EPHA6: variants seen among roughly 807,000 people sequenced by gnomAD.
EPHA6 encodes EPH receptor A6.
Under a neutral mutation model 112.0 loss-of-function variants are expected in EPHA6, and 50 were observed. The observed-to-expected ratio is 0.45, with a 90% CI of 0.36 to 0.56. The LOEUF is 0.56. Ranked by LOEUF, EPHA6 falls within the 20% of genes least tolerant of loss-of-function variation. EPHA6 has a pLI of 0.00. For synonymous variants in EPHA6, 529 were observed against 490.7 expected (o/e 1.08, Z -1.03); for missense variants, 1,280 against 1,417.4 (o/e 0.90, Z 1.56).
At position 96,968,388 on chromosome 3, in the gene EPHA6, GCACACACA is replaced by G. The variant is rs148279577; in HGVS notation, c.451-18921_451-18914del. Among the ~76,000 whole-genome samples the G allele has an allele frequency of 5.9e-3, 843 of 143,602 alleles. 11 individuals carry two copies. The highest frequency in any genetic ancestry group is 0.019 in the African/African-American group (771 of 40,324). The allele number at this position is 143,602 out of a possible 152,430, so 94.2% of individuals were successfully genotyped here. On this transcript the variant is annotated intron_variant, in intron 2 of 17. Coordinates refer to ENST00000389672, the MANE Select transcript of EPHA6 (RefSeq NM_001080448.3). ...AACTACCATAGAGAAAATGGTAAAA[GCACACACA>G]CACACACACACACACACACATTCTA...
intron 10 of EPHA6, among the ~76,000 whole-genome samples, chr3:97,484,372 A>G (rs988482559): frequency 6.6e-6 from 1 of 152,200 alleles, no homozygotes; most frequent in African/African-American, 2.4e-5. Context: ...GCCAACATGT[A>G]TAGACATACA....
chr3:97,121,206 A>T (rs758870094), intron 3 of EPHA6, among the ~76,000 whole-genome samples: 6 of 152,076 alleles, frequency 3.9e-5, no homozygotes, highest in Non-Finnish European at 8.8e-5. Flanking sequence ...AATCCTTTAG[A>T]GAATCTGGTT....
At chr3:97,296,495 C>A (rs1188580198) in intron 5 of EPHA6, among the ~76,000 whole-genome samples, 5 of 152,084 alleles carry the variant, frequency 3.3e-5, no homozygotes, top group Non-Finnish European at 7.4e-5. Flanking sequence ...GTGGAGAAAG[C>A]CAGTTTATAG....
chr3:97,577,480 TC>T (rs1425725036), intron 11 of EPHA6, among the ~76,000 whole-genome samples: 2 of 152,082 alleles, frequency 1.3e-5, no homozygotes, highest in Non-Finnish European at 2.9e-5. Context: ...CATCTAAGCA[TC>T]AGGCATTGAG....
chr3:97,634,252 A>G (rs962931769), intron 13 of EPHA6, among the ~76,000 whole-genome samples: 2 of 152,102 alleles, frequency 1.3e-5, no homozygotes, highest in Non-Finnish European at 2.9e-5. Flanking sequence ...TAAGACCTGT[A>G]AAAACCTTAG....
intron 13 of EPHA6, among the ~76,000 whole-genome samples, chr3:97,613,564 T>C (rs2093737985): frequency 6.6e-6 from 1 of 152,146 alleles, no homozygotes; most frequent in Admixed American, 6.6e-5. Flanking sequence ...ATCAATCTCA[T>C]ACCATTTGGG....
intron 7 of EPHA6, among the ~76,000 whole-genome samples, chr3:97,451,993 T>C (rs762964119): frequency 1.3e-5 from 2 of 151,922 alleles, no homozygotes; most frequent in Non-Finnish European, 2.9e-5. Context: ...TATAATTCAG[T>C]TCTTTTTAGC....
intron 2 of EPHA6, among the ~76,000 whole-genome samples, chr3:96,980,013 C>T (rs1175736405): frequency 1.3e-5 from 2 of 152,144 alleles, no homozygotes; most frequent in Non-Finnish European, 2.9e-5. Flanking sequence ...CCTGTTCACT[C>T]TGATGGTGGT....
At position 96,814,806 on chromosome 3, in the gene EPHA6, G is replaced by T; in HGVS notation, c.183G>T (p.Glu61Asp). ...GGGTGGAGGAGGAAGAGGAGGAGGA[G>T]GAAGAAGACGTGGACAAGGACCCCC... ...AGRVEEEEEE[E>D]EEDVDKDPHP... The change falls in exon 1 of 18, where the codon GAG becomes GAT. Residue 61 changes from glutamate (E) to aspartate (D), a missense_variant. Around this residue, in one of 4 missense-constraint regions of EPHA6, gnomAD observed 220 missense variants for 171.5 expected, o/e 1.28. Transcript: ENST00000389672. The T allele has an allele frequency of 6.3e-7, 1 of 1,599,942 alleles. No homozygotes were observed. The highest frequency in any genetic ancestry group is 1.1e-5 in the South Asian group (1 of 89,700).
intron 1 of EPHA6, among the ~76,000 whole-genome samples, chr3:96,852,834 T>G (rs1169376922): frequency 6.6e-6 from 1 of 152,116 alleles, no homozygotes; most frequent in Non-Finnish European, 1.5e-5. Flanking sequence ...GACAGAAGTA[T>G]TCAGCTAATA....
At chr3:97,010,138 G>A in intron 3 of EPHA6, 2 of 1,224,418 alleles carry the variant, frequency 1.6e-6, no homozygotes, top group Non-Finnish European at 2.1e-6. Context: ...GCCAAAATTT[G>A]TTTTGTTTTT....
intron 11 of EPHA6, among the ~76,000 whole-genome samples, chr3:97,546,658 G>T (rs1046555790): frequency 6.6e-6 from 1 of 152,170 alleles, no homozygotes; most frequent in South Asian, 2.1e-4. Flanking sequence ...CCTGCAGAGT[G>T]TTTTCCAACT....
At chr3:96,957,250 G>A (rs1001481481) in intron 2 of EPHA6, among the ~76,000 whole-genome samples, 2 of 152,126 alleles carry the variant, frequency 1.3e-5, no homozygotes, top group African/African-American at 4.8e-5. Context: ...AAAGAAGAGG[G>A]ATATCTACAA....
At chr3:96,985,755 A>G (rs2042998700) in intron 2 of EPHA6, among the ~76,000 whole-genome samples, 1 of 152,158 alleles carries the variant, frequency 6.6e-6, no homozygotes, top group African/African-American at 2.4e-5. Flanking sequence ...GATAATATAA[A>G]TTATTCTGGA....
intron 13 of EPHA6, among the ~76,000 whole-genome samples, chr3:97,619,424 A>G (rs1284798897): frequency 1.2e-5 from 1 of 85,460 alleles, no homozygotes; most frequent in African/African-American, 5.6e-5. Flanking sequence ...GCAATCAGAC[A>G]ATAGAAAAAG....
intron 3 of EPHA6, among the ~76,000 whole-genome samples, chr3:97,210,965 C>T (rs992302564): frequency 2.6e-5 from 4 of 152,154 alleles, no homozygotes; most frequent in South Asian, 2.1e-4. Flanking sequence ...CTAAATTCTC[C>T]GCGTGGCCAT....
At chr3:97,667,898 T>C (rs899420332) in intron 14 of EPHA6, among the ~76,000 whole-genome samples, 1 of 152,210 alleles carries the variant, frequency 6.6e-6, no homozygotes, top group African/African-American at 2.4e-5. Flanking sequence ...GACTCGCTCG[T>C]AACTTCTTGG....
chr3:96,885,400 C>T (rs111246139), intron 2 of EPHA6, among the ~76,000 whole-genome samples: 64 of 152,162 alleles, frequency 4.2e-4, no homozygotes, highest in Non-Finnish European at 7.9e-4. Flanking sequence ...ATTTCAATCT[C>T]GCTGCTTGTT....
intron 3 of EPHA6, among the ~76,000 whole-genome samples, chr3:97,224,098 A>G (rs1263116081): frequency 3.9e-5 from 6 of 152,158 alleles, no homozygotes. Context: ...TGAAATGATA[A>G]TATTTTGGAT....
Sources: allele counts gnomAD v4.1 joint callset (sites outside exome capture counted in the v4.1 genomes callset), GRCh38; gene constraint gnomAD v4.1.1; regional missense constraint gnomAD v4.1.1; transcripts MANE v1.5; gene names NCBI Gene and HGNC (gene_info 2026-07-23, HGNC 2026-07-21).